The following OCA2 variants were observed in gnomAD, a reference collection of about 807,000 sequenced individuals.
OCA2 encodes OCA2 melanosomal transmembrane protein.
Under a neutral mutation model 100.2 loss-of-function variants are expected in OCA2, and 77 were observed. The ratio of observed to expected loss-of-function variants is 0.77; its 90% confidence interval spans 0.64 to 0.93. The LOEUF (loss-of-function observed/expected upper bound fraction) is 0.93, where lower values mean the gene tolerates loss of function less well. Among genes scored for constraint, OCA2 ranks in the 40% least tolerant of loss-of-function variants. The probability of loss-of-function intolerance (pLI) is 0.00; values close to 1 mark genes in which losing one functional copy is unlikely to be tolerated. For synonymous variants in OCA2, 432 were observed against 439.2 expected, an observed-to-expected ratio of 0.98 and a Z score of 0.21; for missense variants, 1,062 against 1,089.1, an observed-to-expected ratio of 0.98 and a Z score of 0.35.
chr15:28,040,138 A>G (rs6497252), intron 2 of OCA2, among the ~76,000 whole-genome samples: 59,511 of 152,088 alleles, frequency 0.39, 18,989 homozygotes, highest in East Asian at 0.89. Flanking sequence ...GGAAGAGTGG[A>G]GCCATTGCAT....
chr15:27,922,834 C>T (rs976579262), intron 19 of OCA2, among the ~76,000 whole-genome samples: 2 of 151,678 alleles, frequency 1.3e-5, no homozygotes, highest in African/African-American at 4.8e-5. Context: ...CTTTTAAGTC[C>T]AGGGGTACAT....
At chr15:27,995,161 C>T (rs912379963) in intron 9 of OCA2, among the ~76,000 whole-genome samples, 1 of 152,044 alleles carries the variant, frequency 6.6e-6, no homozygotes, top group Non-Finnish European at 1.5e-5. Flanking sequence ...AAATTGAAAG[C>T]AATGCAATGT....
intron 2 of OCA2, among the ~76,000 whole-genome samples, chr15:28,062,473 A>C (rs2043903226): frequency 6.6e-6 from 1 of 152,174 alleles, no homozygotes; most frequent in Admixed American, 6.5e-5. Flanking sequence ...GTCCCTTATC[A>C]GATATATTGT....
intron 19 of OCA2, among the ~76,000 whole-genome samples, chr15:27,883,260 G>A (rs942107598): frequency 5.9e-5 from 9 of 152,112 alleles, no homozygotes; most frequent in Admixed American, 2.6e-4. Context: ...AAACCACCCC[G>A]AGAGGGTCCC....
At chr15:28,094,421 G>A (rs2044930951) in intron 1 of OCA2, among the ~76,000 whole-genome samples, 1 of 152,192 alleles carries the variant, frequency 6.6e-6, no homozygotes, top group Admixed American at 6.5e-5. Flanking sequence ...GTAAGCCGGC[G>A]GCACAGGGCG....
intron 23 of OCA2, among the ~76,000 whole-genome samples, chr15:27,811,405 G>A (rs1239385662): frequency 6.6e-6 from 1 of 151,944 alleles, no homozygotes; most frequent in Non-Finnish European, 1.5e-5. Flanking sequence ...ATTACATATT[G>A]GGTACAATGT....
intron 19 of OCA2, among the ~76,000 whole-genome samples, chr15:27,882,213 G>A (rs75912763): frequency 4.4e-4 from 67 of 152,214 alleles, no homozygotes; most frequent in Admixed American, 9.2e-4. Context: ...ATTTTTGGTC[G>A]TGTTCCACAG....
At chr15:27,763,379 T>A (rs1394569291) in intron 23 of OCA2, among the ~76,000 whole-genome samples, 1 of 152,176 alleles carries the variant, frequency 6.6e-6, no homozygotes, top group Non-Finnish European at 1.5e-5. Flanking sequence ...GAGAAAACAT[T>A]TGCAGACCAT....
intron 2 of OCA2, among the ~76,000 whole-genome samples, chr15:28,039,240 T>C (rs1266316110): frequency 6.6e-6 from 1 of 152,266 alleles, no homozygotes; most frequent in East Asian, 1.9e-4. Context: ...ATGGATAGTA[T>C]AGCCAGACAG....
At chr15:27,739,007 C>T in the OCA2 span, among the ~76,000 whole-genome samples, 1 of 152,050 alleles carries the variant, frequency 6.6e-6, no homozygotes, top group Non-Finnish European at 1.5e-5. Context: ...CCCTGAGGCA[C>T]AGAGACCAGT....
At chr15:27,980,667 C>A (rs1315272996) in intron 14 of OCA2, among the ~76,000 whole-genome samples, 1 of 152,140 alleles carries the variant, frequency 6.6e-6, no homozygotes, top group Non-Finnish European at 1.5e-5. Flanking sequence ...ATTCTGAGAT[C>A]ACAGGTGTTT....
chr15:27,911,522 G>A (rs1330414619), intron 19 of OCA2, among the ~76,000 whole-genome samples: 3 of 152,176 alleles, frequency 2.0e-5, no homozygotes, highest in African/African-American at 4.8e-5. Context: ...GAGGACCTCC[G>A]GCTGCTTCCC....
chr15:28,083,055 G>A (rs896832212), intron 1 of OCA2, among the ~76,000 whole-genome samples: 1 of 152,230 alleles, frequency 6.6e-6, no homozygotes, highest in African/African-American at 2.4e-5. Context: ...CATGCAGGAT[G>A]TCTGGCGCTG....
intron 5 of OCA2, among the ~76,000 whole-genome samples, chr15:28,023,098 T>C (rs1250795231): frequency 1.4e-5 from 2 of 147,362 alleles, no homozygotes; most frequent in Non-Finnish European, 3.1e-5. Context: ...GGTCAGCTCT[T>C]GGGGACCAGG....
At chr15:27,873,439 A>G (rs1020852666) in intron 19 of OCA2, among the ~76,000 whole-genome samples, 1 of 152,276 alleles carries the variant, frequency 6.6e-6, no homozygotes, top group Admixed American at 6.5e-5. Flanking sequence ...TTATTAAATA[A>G]CACTTTAAAA....
the OCA2 span, among the ~76,000 whole-genome samples, chr15:27,727,230 A>G: frequency 2.6e-5 from 4 of 152,226 alleles, no homozygotes; most frequent in Non-Finnish European, 5.9e-5. Context: ...GGAGTGGTAC[A>G]GTCTCCTTGA....
intron 18 of OCA2, among the ~76,000 whole-genome samples, chr15:27,927,784 C>CTTTTTTTTTTTTTTTTTTTTTTTTTTT (rs34037519): frequency 2.9e-5 from 2 of 69,338 alleles, no homozygotes; most frequent in Non-Finnish European, 2.5e-5. Context: ...CTTTGAGCAT[C>CTTTTTTTTTTTTTTTTTTTTTTTTTTT]TTTTTTTTTT....
chr15:28,016,272 T>C (rs1188647246), intron 7 of OCA2, 86 bp from the exon 8 acceptor site: 4 of 1,048,726 alleles, frequency 3.8e-6, no homozygotes, highest in Non-Finnish European at 6.0e-6. Context: ...TAGGTATTTG[T>C]TTCAAAAAAG....
the OCA2 span, among the ~76,000 whole-genome samples, chr15:27,729,347 G>A: frequency 2.0e-5 from 2 of 98,756 alleles, no homozygotes; most frequent in African/African-American, 7.3e-5. Flanking sequence ...GAGACTTTTT[G>A]TCATCTCAAA....
Sources: gnomAD v4.1 joint callset for allele counts (sites outside exome capture counted in the v4.1 genomes callset) on GRCh38, gnomAD v4.1.1 for gene constraint, MANE v1.5 for transcripts, NCBI Gene and HGNC (gene_info 2026-07-23, HGNC 2026-07-21) for gene names.